MSL2: variants seen among roughly 807,000 people sequenced by gnomAD.
The protein encoded by MSL2 is MSL complex subunit 2, also known as E3 ubiquitin-protein ligase MSL2.
MSL2 carries 2 observed loss-of-function variants against 35.8 expected under a neutral mutation model. The observed-to-expected ratio is 0.06, with a 90% CI of 0.02 to 0.18. MSL2 has a LOEUF of 0.18. MSL2 is among the 10% of genes least tolerant of loss of function. MSL2 has a pLI of 1.00. For synonymous variants in MSL2, 296 were observed against 255.7 expected (o/e 1.16, Z -1.50); for missense variants, 523 against 706.7 (o/e 0.74, Z 2.95).
intron 1 of MSL2, chr3:136,155,639 G>A (rs1939496397): frequency 5.0e-6 from 2 of 397,906 alleles, no homozygotes; most frequent in South Asian, 2.4e-5. Flanking sequence ...AACCTGTGCC[G>A]CCCATGGGGA....
intron 1 of MSL2, among the ~76,000 whole-genome samples, chr3:136,154,100 AAAG>A: frequency 6.6e-6 from 1 of 152,186 alleles, no homozygotes; most frequent in Middle Eastern, 3.4e-3. Context: ...AAAAAAAAAA[AAAG>A]GAGTTTCAGT....
chr3:136,194,412 G>A (rs1940776323), intron 1 of MSL2: 1 of 985,162 alleles, frequency 1.0e-6, no homozygotes, highest in African/African-American at 1.7e-5. Context: ...AAAGCACTTC[G>A]AGTACCAACA....
In MSL2 at chr3:136,151,898, CATG is replaced by C. The variant is rs765293173; in HGVS notation, c.980_982del (p.Ser327del). The C allele has an allele frequency of 6.2e-7, 1 of 1,614,150 alleles. No homozygotes were observed. The highest frequency in any genetic ancestry group is 1.1e-5 in the South Asian group (1 of 91,078). Reference sequence around the variant, plus strand: ...TGCTATCTTCGGAGTTGCTGCTGTACATGATAACCCATGAAGTGCAGGACTGGT... The same window carrying C: ...TGCTATCTTCGGAGTTGCTGCTGTACATAACCCATGAAGTGCAGGACTGGT... On this transcript the variant is annotated inframe_deletion, in exon 2 of 2. Coordinates refer to ENST00000309993, the MANE Select transcript of MSL2 (RefSeq NM_018133.4). The surrounding 1 kb of genome is among the most constrained non-coding windows in gnomAD (Gnocchi z 5.2).
In MSL2 at chr3:136,151,822, C is replaced by A. The variant is rs1356837743; in HGVS notation, c.1059G>T (p.Gln353His). ...SRSESDSEKV[Q>H]PLPISTIIRG... The stretch of plus-strand genomic sequence containing the variant: ...GGATAATGGTAGAAATTGGAAGTGG[C>A]TGAACTTTCTCACTGTCACTCTCTG... The change falls in exon 2 of 2, where the codon CAG becomes CAT. Residue 353 changes from glutamine to histidine, a missense_variant. Physicochemically the swap from Gln to His is conservative, Grantham distance 24 (BLOSUM62 0). Around this residue, in one of 5 missense-constraint regions of MSL2, gnomAD observed 361 missense variants for 414.6 expected, o/e 0.87. Transcript: ENST00000309993. This position sits in a 1 kb window ranked among gnomAD's most constrained non-coding sequence, Gnocchi z 5.2. 1 of 1,614,164 alleles carries A rather than the reference C, an allele frequency of 6.2e-7. No homozygotes were observed. Among genetic ancestry groups the A allele is most frequent in the East Asian group, 2.2e-5 (1 of 44,886 alleles).
intron 1 of MSL2, among the ~76,000 whole-genome samples, chr3:136,164,346 G>A (rs1939782953): frequency 6.6e-6 from 1 of 152,198 alleles, no homozygotes. Context: ...CATGCCAACT[G>A]TTGAGAAATG....
intron 1 of MSL2, among the ~76,000 whole-genome samples, chr3:136,176,857 A>G (rs557836696): frequency 1.1e-4 from 17 of 152,244 alleles, no homozygotes; most frequent in South Asian, 2.1e-4. Flanking sequence ...ACCAAAATAA[A>G]TATCTTTTCT....
intron 1 of MSL2, among the ~76,000 whole-genome samples, chr3:136,190,763 G>A (rs1477868410): frequency 6.6e-6 from 1 of 151,882 alleles, no homozygotes; most frequent in Non-Finnish European, 1.5e-5. Flanking sequence ...CTTATCAAAA[G>A]AAAAAAACAA....
intron 1 of MSL2, among the ~76,000 whole-genome samples, chr3:136,173,461 G>A (rs1283774822): frequency 6.6e-6 from 1 of 152,034 alleles, no homozygotes; most frequent in Non-Finnish European, 1.5e-5. Context: ...TCTTGGTACT[G>A]ACACTATCAT....
intron 1 of MSL2, among the ~76,000 whole-genome samples, chr3:136,189,370 G>A (rs1278753021): frequency 2.1e-5 from 3 of 141,348 alleles, no homozygotes; most frequent in African/African-American, 5.3e-5. Flanking sequence ...TATCTACCAA[G>A]AAAATTACTA....
At chr3:136,166,315 G>A (rs928744332) in intron 1 of MSL2, among the ~76,000 whole-genome samples, 4 of 151,920 alleles carry the variant, frequency 2.6e-5, no homozygotes, top group Non-Finnish European at 5.9e-5. Flanking sequence ...CTGAGCCCGG[G>A]AGGTGGAGGT....
At chr3:136,180,293 A>C (rs1404249054) in intron 1 of MSL2, among the ~76,000 whole-genome samples, 1 of 152,172 alleles carries the variant, frequency 6.6e-6, no homozygotes, top group African/African-American at 2.4e-5. Context: ...CAAACACTTC[A>C]AATAACACAT....
Position 136,152,111 on chromosome 3 carries a change from C to A in MSL2, c.770G>T (p.Ser257Ile), listed in dbSNP as rs986660962. 1 of 1,614,168 alleles carries A rather than the reference C, an allele frequency of 6.2e-7. No homozygotes were observed. The highest frequency in any genetic ancestry group is 8.5e-7 in the Non-Finnish European group (1 of 1,180,042). Residue 257 changes from serine to isoleucine, a missense_variant, in exon 2 of 2, where the codon AGT becomes ATT. Ser to Ile is a moderately radical substitution (Grantham distance 142). Coordinates refer to ENST00000309993, the MANE Select transcript of MSL2 (RefSeq NM_018133.4). ...AGAGTCTCCAGGTTTTATATCTTCACTGAAACTGCAGATATCAATGCCTGT... is the reference window on the plus strand; with the variant it reads ...AGAGTCTCCAGGTTTTATATCTTCAATGAAACTGCAGATATCAATGCCTGT... ...CSTGIDICSFSEDIKPGDSLL... is the reference protein window; with the variant it reads ...CSTGIDICSFIEDIKPGDSLL...
chr3:136,182,023 A>T (rs1174495257), intron 1 of MSL2, among the ~76,000 whole-genome samples: 1 of 152,094 alleles, frequency 6.6e-6, no homozygotes, highest in Non-Finnish European at 1.5e-5. Context: ...AAAAAATCAA[A>T]ACTTAAACAA....
At chr3:136,159,412 G>A (rs938074120) in intron 1 of MSL2, among the ~76,000 whole-genome samples, 5 of 126,942 alleles carry the variant, frequency 3.9e-5, no homozygotes, top group Non-Finnish European at 7.8e-5. Flanking sequence ...CGCCCAGGCT[G>A]GAGTGCAGTG....
At chr3:136,174,140 A>C (rs1259055979) in intron 1 of MSL2, among the ~76,000 whole-genome samples, 1 of 152,252 alleles carries the variant, frequency 6.6e-6, no homozygotes, top group African/African-American at 2.4e-5. Context: ...TCAAGGCCAG[A>C]AACTTATTTA....
intron 1 of MSL2, among the ~76,000 whole-genome samples, chr3:136,168,611 G>C (rs1320894336): frequency 6.6e-6 from 1 of 152,118 alleles, no homozygotes; most frequent in East Asian, 1.9e-4. Flanking sequence ...GAGCCTGTTG[G>C]GGGTAGGGAG....
rs1054311364 is a variant in MSL2 at position 136,164,986 on chromosome 3, G to A, written c.143-12248C>T. ...TCTCCCAGGTTCAAGCAATTCTCCC[G>A]CCTCAGCCTCCCGAGCAGCTGGGAC... On this transcript the variant is annotated intron_variant, in intron 1 of 1. Coordinates refer to ENST00000309993, the MANE Select transcript of MSL2 (RefSeq NM_018133.4). Among the ~76,000 whole-genome samples, 6 of 151,576 alleles carry A rather than the reference G, an allele frequency of 4.0e-5. No individual in the cohort carries two copies. The South Asian group carries it at 6.3e-4, about 16-fold the overall frequency.
intron 1 of MSL2, among the ~76,000 whole-genome samples, chr3:136,159,997 C>T (rs942375049): frequency 2.0e-5 from 3 of 151,934 alleles, no homozygotes; most frequent in Non-Finnish European, 4.4e-5. Flanking sequence ...AATGGTCAGG[C>T]GAGGTGGTTC....
chr3:136,163,865 A>T (rs967757156), intron 1 of MSL2, among the ~76,000 whole-genome samples: 7 of 152,184 alleles, frequency 4.6e-5, no homozygotes, highest in African/African-American at 1.7e-4. Context: ...CCATGTGAAG[A>T]AGGTGCCCTG....
Sources: gnomAD v4.1 joint callset for allele counts (sites outside exome capture counted in the v4.1 genomes callset) on GRCh38, gnomAD v4.1.1 for gene constraint, gnomAD v4.1.1 regional missense constraint, Gnocchi (gnomAD v3.1) non-coding constraint, MANE v1.5 for transcripts, NCBI Gene and HGNC (gene_info 2026-07-23, HGNC 2026-07-21) for gene names.